DIDO1: variants seen among roughly 807,000 people sequenced by gnomAD.
DIDO1 encodes the protein death-inducer obliterator 1.
DIDO1 carries 16 observed loss-of-function variants against 99.4 expected under a neutral mutation model. The ratio of observed to expected loss-of-function variants is 0.16; its 90% CI spans 0.11 to 0.24. The LOEUF (loss-of-function observed/expected upper bound fraction) is 0.24. Ranked by LOEUF, DIDO1 falls within the 10% of genes least tolerant of loss-of-function variation. The pLI is 1.00. For synonymous variants in DIDO1, 1,366 were observed against 1,239.1 expected, an observed-to-expected ratio of 1.10 and a Z score of -2.15; for missense variants, 2,996 against 3,014.0, an observed-to-expected ratio of 0.99 and a Z score of 0.14.
upstream of DIDO1, among the ~76,000 whole-genome samples, chr20:62,927,398 A>AGAGT (rs1164258902): frequency 6.6e-6 from 1 of 152,226 alleles, no homozygotes; most frequent in African/African-American, 2.4e-5. Flanking sequence ...AATAGTAACT[A>AGAGT]GAGTGACACT....
chr20:62,880,992 G>C lies in DIDO1; in HGVS notation c.4964C>G (p.Ala1655Gly), dbSNP rs2064192277. The part of the protein sequence containing the change: ...ATVGDSSARP[A>G]RRVLLPTPPC... ...CGGTGTGGGCAGCAGCACCCTCCGG[G>C]CAGGCCTGGCCGAGCTGTCTCCAAC... The change falls in exon 16 of 16, where the codon GCC becomes GGC. Residue 1655 changes from alanine (A) to glycine (G), a missense_variant. This residue lies in a region of DIDO1 where 1,562 missense variants were observed against 1,412.6 expected (regional missense o/e 1.11). Coordinates refer to ENST00000395343, the MANE Select transcript of DIDO1 (RefSeq NM_001193369.2). 5 of 1,605,624 alleles carry C rather than the reference G, an allele frequency of 3.1e-6. No homozygotes were observed. The highest frequency in any genetic ancestry group is 4.2e-6 in the Non-Finnish European group (5 of 1,178,964).
chr20:62,903,984 T>C (rs1313686284), intron 6 of DIDO1, among the ~76,000 whole-genome samples: 1 of 152,114 alleles, frequency 6.6e-6, no homozygotes, highest in Non-Finnish European at 1.5e-5. Context: ...GAGCCCCTCA[T>C]TTCCCCATCT....
chr20:62,931,377 A>G (rs2065330773), upstream of DIDO1, among the ~76,000 whole-genome samples: 1 of 152,230 alleles, frequency 6.6e-6, no homozygotes, highest in African/African-American at 2.4e-5. Flanking sequence ...AAGTAAATAA[A>G]AACAACTTTG....
At chr20:62,912,080 G>A (rs2064956610) in intron 2 of DIDO1, among the ~76,000 whole-genome samples, 1 of 152,174 alleles carries the variant, frequency 6.6e-6, no homozygotes, top group South Asian at 2.1e-4. Context: ...TTTGGGTGTG[G>A]CCTGCAAAGG....
intron 15 of DIDO1, chr20:62,890,366 G>GT (rs1324721148): frequency 1.0e-6 from 1 of 986,550 alleles, no homozygotes; most frequent in Non-Finnish European, 1.2e-6. Flanking sequence ...TGACAAAGAT[G>GT]TATTTTAGGC....
chr20:62,906,864 C>G (rs962018140), intron 5 of DIDO1, among the ~76,000 whole-genome samples: 1 of 152,204 alleles, frequency 6.6e-6, no homozygotes, highest in African/African-American at 2.4e-5. Flanking sequence ...GGGTGGTTAC[C>G]AACTCTTCTC....
chr20:62,890,580 C>G (rs957157436), intron 15 of DIDO1: 1 of 1,036,956 alleles, frequency 9.6e-7, no homozygotes, highest in Non-Finnish European at 1.2e-6. Context: ...GAGCCACTTC[C>G]CGGTGTGTGC....
chr20:62,904,283 G>A (rs557505025), intron 6 of DIDO1, among the ~76,000 whole-genome samples: 3 of 152,260 alleles, frequency 2.0e-5, no homozygotes, highest in African/African-American at 7.2e-5. Context: ...CTATCGTAGA[G>A]GTGCTAGAAT....
At chr20:62,929,760 T>G (rs1479673719), upstream of DIDO1, among the ~76,000 whole-genome samples, 1 of 46,698 alleles carries the variant, frequency 2.1e-5, no homozygotes, top group Non-Finnish European at 4.2e-5. Flanking sequence ...ACTGTTTTGT[T>G]TTTTTTTTTT....
intron 15 of DIDO1, chr20:62,887,202 A>C (rs1017044071): frequency 2.0e-6 from 2 of 985,396 alleles, no homozygotes; most frequent in Non-Finnish European, 2.4e-6. Context: ...AATTCAAACA[A>C]ACAAGGACCA....
intron 15 of DIDO1, chr20:62,888,290 G>A (rs2064329522): frequency 2.0e-6 from 2 of 985,390 alleles, no homozygotes; most frequent in Admixed American, 1.2e-4. Flanking sequence ...ACTCTTTTCT[G>A]CGTGAATCTC....
chr20:62,880,694 C>T lies in DIDO1; in HGVS notation c.5262G>A (p.Arg1754=). The T allele has an allele frequency of 6.2e-7, 1 of 1,612,778 alleles. No homozygotes were observed. The highest frequency in any genetic ancestry group is 8.5e-7 in the Non-Finnish European group (1 of 1,179,930). ...TCCCCAAAGCATGAGGTCCAGGTTC[C>T]CGCTGACCCTGAAACGGGGGCTGAG... ...GGSQPPFQGQ[R]EPGPHALGMS... Residue 1754 remains arginine, a synonymous_variant, in exon 16 of 16, where the codon CGG becomes CGA. Coordinates refer to ENST00000395343, the MANE Select transcript of DIDO1 (RefSeq NM_001193369.2).
At chr20:62,906,478 C>A (rs2064807358) in intron 5 of DIDO1, among the ~76,000 whole-genome samples, 1 of 152,224 alleles carries the variant, frequency 6.6e-6, no homozygotes, top group Non-Finnish European at 1.5e-5. Context: ...GAGGAAAGGC[C>A]TGCGCGCGAG....
chr20:62,905,705 G>A lies in DIDO1; in HGVS notation c.1588+182C>T. 3 of 1,609,902 alleles carry A rather than the reference G, an allele frequency of 1.9e-6. No homozygotes were observed. The South Asian group carries it at 3.3e-5, about 18-fold the overall frequency. ...GTGACAGGAAGTCCTGACAGACTAGGGATGGACACAGGGCAGCAGGAGGCA... is the reference window on the plus strand; with the variant it reads ...GTGACAGGAAGTCCTGACAGACTAGAGATGGACACAGGGCAGCAGGAGGCA... On this transcript the variant is annotated intron_variant, in intron 6 of 15. Coordinates refer to ENST00000395343, the MANE Select transcript of DIDO1 (RefSeq NM_001193369.2).
intron 6 of DIDO1, among the ~76,000 whole-genome samples, chr20:62,901,600 A>G (rs2064682968): frequency 6.6e-6 from 1 of 152,192 alleles, no homozygotes; most frequent in Admixed American, 6.5e-5. Context: ...GGCCATACTC[A>G]GTATAAAGCC....
At chr20:62,897,410 C>T (rs1293102356) in intron 6 of DIDO1, among the ~76,000 whole-genome samples, 3 of 152,150 alleles carry the variant, frequency 2.0e-5, no homozygotes, top group Admixed American at 6.5e-5. Flanking sequence ...TGAAAAAGAC[C>T]GTTTAGAAGC....
chr20:62,905,101 T>A, intron 6 of DIDO1: 1 of 996,836 alleles, frequency 1.0e-6, no homozygotes, highest in Non-Finnish European at 1.2e-6. Flanking sequence ...GTTTGAAATA[T>A]CTTCATTTCA....
At chr20:62,922,263 T>TAC (rs921119615) in intron 1 of DIDO1, among the ~76,000 whole-genome samples, 11 of 148,024 alleles carry the variant, frequency 7.4e-5, no homozygotes, top group South Asian at 4.3e-4. Flanking sequence ...CACATATATA[T>TAC]ACACACACAC....
chr20:62,892,197 A>G, intron 13 of DIDO1, 121 bp from the exon 14 acceptor site: 3 of 830,258 alleles, frequency 3.6e-6, no homozygotes, highest in Non-Finnish European at 5.6e-6. Flanking sequence ...TTCCAAGGAA[A>G]AGAGTCACAC....
Sources: gnomAD v4.1 joint callset for allele counts (sites outside exome capture counted in the v4.1 genomes callset) on GRCh38, gnomAD v4.1.1 for gene constraint, gnomAD v4.1.1 regional missense constraint, MANE v1.5 for transcripts, NCBI Gene and HGNC (gene_info 2026-07-23, HGNC 2026-07-21) for gene names.